ANKRD29: variants seen among roughly 807,000 people sequenced by gnomAD.
The protein encoded by ANKRD29 is ankyrin repeat domain 29, also known as ankyrin repeat domain-containing protein 29.
Under a neutral mutation model 38.0 loss-of-function variants are expected in ANKRD29, and 32 were observed. The ratio of observed to expected loss-of-function variants is 0.84; its 90% CI spans 0.64 to 1.13. The LOEUF (loss-of-function observed/expected upper bound fraction) is 1.13. ANKRD29 is among the 50% of genes most tolerant of loss of function. The pLI is 0.00. For missense variants in ANKRD29, 357 were observed against 377.9 expected (o/e 0.94, Z 0.46); for synonymous variants, 135 against 152.4 (o/e 0.89, Z 0.84).
At chr18:23,616,796 A>T (rs2059729065) in intron 8 of ANKRD29, among the ~76,000 whole-genome samples, 1 of 147,058 alleles carries the variant, frequency 6.8e-6, no homozygotes, top group Non-Finnish European at 1.5e-5. Context: ...ATATAATATA[A>T]TAAAATTAAT....
rs866249512 is a variant in ANKRD29, at chr18:23,638,922, G to A, written c.257C>T (p.Ala86Val). ...RESGTTALFF[A>V]AQQGHNDVVR... The stretch of plus-strand genomic sequence containing the variant: ...GACATCATTATGGCCTTGCTGGGCG[G>A]CAAAGAATAGGGCAGTTGTACCTGA... Residue 86 changes from alanine (A) to valine (V), a missense_variant, in exon 4 of 10, where the codon GCC becomes GTC. Coordinates refer to ENST00000592179, the MANE Select transcript of ANKRD29 (RefSeq NM_173505.4). 1 of 1,612,432 alleles carries A rather than the reference G, an allele frequency of 6.2e-7. No individual in the cohort carries two copies. The highest frequency in any genetic ancestry group is 1.7e-5 in the Admixed American group (1 of 59,470).
intron 2 of ANKRD29, 74 bp from the exon 3 acceptor site, chr18:23,646,361 C>T: frequency 7.5e-7 from 1 of 1,333,698 alleles, no homozygotes; most frequent in South Asian, 1.2e-5. Flanking sequence ...GAAGATGCTG[C>T]AGAGATGTCA....
At chr18:23,617,903 G>A in intron 7 of ANKRD29, 76 bp from the exon 8 acceptor site, 3 of 1,172,474 alleles carry the variant, frequency 2.6e-6, no homozygotes, top group East Asian at 2.4e-5. Context: ...GTTGGGAACT[G>A]GAAAGTACCG....
chr18:23,643,213 G>A (rs1598519408), intron 3 of ANKRD29, among the ~76,000 whole-genome samples: 1 of 152,152 alleles, frequency 6.6e-6, no homozygotes, highest in Non-Finnish European at 1.5e-5. Flanking sequence ...TCCCAGGAAG[G>A]CACAGGCATT....
chr18:23,661,750 G>T (rs988070583), intron 1 of ANKRD29, among the ~76,000 whole-genome samples: 4 of 152,126 alleles, frequency 2.6e-5, no homozygotes, highest in African/African-American at 7.2e-5. Context: ...CGTCTGCTTC[G>T]TTCCATTCTC....
chr18:23,634,803 C>G (rs1042943530), intron 4 of ANKRD29, among the ~76,000 whole-genome samples: 4 of 152,174 alleles, frequency 2.6e-5, no homozygotes, highest in Admixed American at 1.3e-4. Flanking sequence ...AAGAGAAAGT[C>G]TTGTCAGTTC....
intron 9 of ANKRD29, among the ~76,000 whole-genome samples, chr18:23,605,217 G>A (rs1025026185): frequency 6.6e-6 from 1 of 151,888 alleles, no homozygotes; most frequent in Non-Finnish European, 1.5e-5. Flanking sequence ...CACCATGCCC[G>A]GCCCAGAATT....
intron 4 of ANKRD29, among the ~76,000 whole-genome samples, chr18:23,636,049 A>G (rs1278283382): frequency 6.6e-6 from 1 of 152,236 alleles, no homozygotes; most frequent in East Asian, 1.9e-4. Flanking sequence ...CAATTTTCCT[A>G]GCTAATAAAG....
chr18:23,637,719 G>A (rs1376129857), intron 4 of ANKRD29, among the ~76,000 whole-genome samples: 5 of 151,552 alleles, frequency 3.3e-5, no homozygotes, highest in African/African-American at 4.9e-5. Flanking sequence ...CATTTTAACA[G>A]AAAAAAAATC....
chr18:23,661,066 G>A (rs778724866), intron 1 of ANKRD29, among the ~76,000 whole-genome samples: 2 of 152,220 alleles, frequency 1.3e-5, no homozygotes, highest in Non-Finnish European at 2.9e-5. Flanking sequence ...TGAAAGATTA[G>A]AGATGCTTGG....
At chr18:23,646,057 A>G in intron 3 of ANKRD29, 132 bp downstream of exon 3, 1 of 805,316 alleles carries the variant, frequency 1.2e-6, no homozygotes, top group South Asian at 1.7e-5. Flanking sequence ...TGTAGGCACA[A>G]TAAACTCTGC....
chr18:23,633,087 CTA>C lies in ANKRD29; in HGVS notation c.429+962_429+963del, dbSNP rs536027505. ...ACTCTTCACCATGAGACTGTCAAGT[CTA>C]TTCATCTCCCTATATTCTATTTTCG... On this transcript the variant is annotated intron_variant, in intron 5 of 9. Coordinates refer to ENST00000592179, the MANE Select transcript of ANKRD29 (RefSeq NM_173505.4). Among the ~76,000 whole-genome samples, 613 of 152,318 alleles carry C rather than the reference CTA, an allele frequency of 4.0e-3. 7 individuals are homozygous for C. Among genetic ancestry groups the C allele is most frequent in the African/African-American group, 0.014 (583 of 41,552 alleles).
At chr18:23,633,329 C>T (rs897933597) in intron 5 of ANKRD29, among the ~76,000 whole-genome samples, 4 of 152,182 alleles carry the variant, frequency 2.6e-5, no homozygotes, top group Admixed American at 2.6e-4. Context: ...TTAGATTTCT[C>T]CTCTTTGTGC....
At chr18:23,614,305 G>T (rs777682761) in intron 8 of ANKRD29, among the ~76,000 whole-genome samples, 36 of 152,000 alleles carry the variant, frequency 2.4e-4, no homozygotes, top group African/African-American at 8.4e-4. Context: ...CAGGTGATTC[G>T]CCCACCTTGG....
intron 7 of ANKRD29, chr18:23,619,271 A>G (rs113647703): frequency 5.6e-4 from 249 of 446,010 alleles, no homozygotes; most frequent in African/African-American, 4.7e-3. Context: ...GGAGGCCCCC[A>G]GGACAGGCGG....
chr18:23,610,659 A>T (rs1367425425), intron 9 of ANKRD29, among the ~76,000 whole-genome samples: 1 of 152,048 alleles, frequency 6.6e-6, no homozygotes, highest in Non-Finnish European at 1.5e-5. Flanking sequence ...CATTTAAATA[A>T]ATAATAAATA....
In ANKRD29 at chr18:23,599,614, GA is replaced by G. The variant is rs2059489879; in HGVS notation, c.*1611del. On this transcript the variant is annotated 3_prime_UTR_variant, in exon 10 of 10. Coordinates refer to ENST00000592179, the MANE Select transcript of ANKRD29 (RefSeq NM_173505.4). ...TGCTGAATAAAAGAATGTCAATGAG[GA>G]AATGGCATTGATTTTAGCCACCAAA... 1 of 152,158 alleles carries G rather than the reference GA, an allele frequency of 6.6e-6. No homozygotes were observed. The highest frequency in any genetic ancestry group is 2.4e-5 in the African/African-American group (1 of 41,442). The allele number at this position is 152,158 out of a possible 1,614,324, so 9.4% of individuals were successfully genotyped here.
At position 23,646,288 on chromosome 18, in the gene ANKRD29, C is replaced by A. The variant is rs374698270; in HGVS notation, c.133-1G>T. 5.6e-6 allele frequency: 9 copies of A among 1,613,286 alleles called. No individual in the cohort carries two copies. The African/African-American group carries it at 1.2e-4, about 22-fold the overall frequency. On this transcript the variant is annotated splice_acceptor_variant, in intron 2 of 9. Transcript: ENST00000592179. LOFTEE classifies it high-confidence loss of function. ...CAACCATCAGGAGTGTGGTGCCATG[C>A]TGGATGGAGGAGAGACAGATGAAGA...
chr18:23,619,738 TCC>T, intron 6 of ANKRD29, 109 bp from the exon 7 acceptor site: 1 of 861,728 alleles, frequency 1.2e-6, no homozygotes, highest in South Asian at 1.8e-5. Context: ...GGGAAGGCAC[TCC>T]CTGACCGCAG....
Sources: allele counts gnomAD v4.1 joint callset (sites outside exome capture counted in the v4.1 genomes callset), GRCh38; gene constraint gnomAD v4.1.1; transcripts MANE v1.5; gene names NCBI Gene and HGNC (gene_info 2026-07-23, HGNC 2026-07-21).